Variants in RYR3 observed in about 807,000 individuals in gnomAD.
RYR3 encodes ryanodine receptor 3, also known as brain ryanodine receptor-calcium release channel.
In RYR3, 207 loss-of-function variants were observed where a neutral mutation model predicts 584.3. That is an observed-to-expected ratio of 0.35 (90% confidence interval 0.32 to 0.40). RYR3 has a LOEUF of 0.40. Among genes scored for constraint, RYR3 ranks in the 10% least tolerant of loss-of-function variants. The pLI, the probability that RYR3 is intolerant of heterozygous loss-of-function variation, is 1.00. For synonymous variants in RYR3, 2,416 were observed against 2,248.5 expected (o/e 1.07, Z -2.11); for missense variants, 5,616 against 6,089.2 (o/e 0.92, Z 2.59).
At position 33,603,246 on chromosome 15, in the gene RYR3, G is replaced by A; in HGVS notation, c.2046G>A (p.Val682=). ...CAGCAGAGCCCACACATCTGCGGGT[G>A]GGCTGGGCCTCTTCTTCAGGCTATG... The part of the protein sequence containing the change: ...FLTAEPTHLR[V]GWASSSGYAP... The change falls in exon 18 of 104, where the codon GTG becomes GTA. Residue 682 remains valine (V), a synonymous_variant. Transcript: ENST00000634891. 6.2e-7 allele frequency: 1 copy of A among 1,613,908 alleles called. No individual in the cohort carries two copies. Among genetic ancestry groups the A allele is most frequent in the African/African-American group, 1.3e-5 (1 of 75,022 alleles).
At chr15:33,357,026 C>A (rs940242599) in intron 1 of RYR3, among the ~76,000 whole-genome samples, 5 of 152,080 alleles carry the variant, frequency 3.3e-5, no homozygotes, top group Non-Finnish European at 7.4e-5. Context: ...TGGAAGGTGT[C>A]GTGTCCCATC....
chr15:33,670,717 G>T (rs1438466403), intron 38 of RYR3, among the ~76,000 whole-genome samples, 161 bp downstream of exon 38: 3 of 152,104 alleles, frequency 2.0e-5, no homozygotes. Flanking sequence ...CGTATTTTGG[G>T]TTCTGCCTTT....
intron 1 of RYR3, among the ~76,000 whole-genome samples, chr15:33,344,241 A>G (rs892877350): frequency 6.6e-6 from 1 of 152,228 alleles, no homozygotes; most frequent in African/African-American, 2.4e-5. Context: ...TGCTGACTTC[A>G]TTAAAGAGCT....
intron 3 of RYR3, among the ~76,000 whole-genome samples, chr15:33,525,025 G>T (rs983776647): frequency 1.3e-5 from 2 of 152,248 alleles, no homozygotes; most frequent in South Asian, 4.1e-4. Context: ...TAAATATTAG[G>T]TCTGTGAAGA....
intron 43 of RYR3, among the ~76,000 whole-genome samples, chr15:33,709,145 G>A (rs961455073): frequency 3.2e-4 from 48 of 152,312 alleles, no homozygotes; most frequent in Admixed American, 6.5e-4. Flanking sequence ...AACAGTAGCC[G>A]TGTCTAGTTT....
chr15:33,742,394 A>G lies in RYR3; in HGVS notation c.7849A>G (p.Ile2617Val), dbSNP rs757395431. 9 of 1,613,200 alleles carry G rather than the reference A, an allele frequency of 5.6e-6. No individual in the cohort carries two copies. The highest frequency in any genetic ancestry group is 1.6e-4 in the Middle Eastern group (1 of 6,082). Residue 2617 changes from isoleucine (I) to valine (V), a missense_variant, in exon 52 of 104, where the codon ATC becomes GTC. Transcript: ENST00000634891. ...NFSLPEKLEYIVTKYAEHSHD... is the reference protein window; with the variant it reads ...NFSLPEKLEYVVTKYAEHSHD... ...TTCCTTGCCTGAAAAATTGGAATAC[A>G]TCGTCACCAAGTATGCTGAGCATTC...
chr15:33,368,000 T>C (rs1240732808), intron 1 of RYR3, among the ~76,000 whole-genome samples: 2 of 152,194 alleles, frequency 1.3e-5, no homozygotes, highest in Non-Finnish European at 2.9e-5. Context: ...TGAAGTATTG[T>C]TAGCATTGTA....
At chr15:33,438,822 C>T (rs898067008) in intron 1 of RYR3, among the ~76,000 whole-genome samples, 1 of 152,116 alleles carries the variant, frequency 6.6e-6, no homozygotes, top group Non-Finnish European at 1.5e-5. Flanking sequence ...GACTCTATTG[C>T]ACATTATTAT....
intron 1 of RYR3, among the ~76,000 whole-genome samples, chr15:33,408,952 T>A (rs1176626789): frequency 6.6e-6 from 1 of 152,164 alleles, no homozygotes; most frequent in Non-Finnish European, 1.5e-5. Flanking sequence ...CTCACAAATC[T>A]GTCAGAGGGG....
intron 82 of RYR3, 30 bp from the exon 83 acceptor site, chr15:33,826,222 T>C (rs2077372164): frequency 6.2e-7 from 1 of 1,611,700 alleles, no homozygotes; most frequent in Admixed American, 1.7e-5. Flanking sequence ...TTTCTTACTT[T>C]CTATTCTTCT....
At chr15:33,423,891 A>G (rs1482803956) in intron 1 of RYR3, among the ~76,000 whole-genome samples, 1 of 152,178 alleles carries the variant, frequency 6.6e-6, no homozygotes, top group African/African-American at 2.4e-5. Context: ...TCTTCTAAAA[A>G]TTTTAAAGTA....
intron 87 of RYR3, among the ~76,000 whole-genome samples, chr15:33,836,446 C>A (rs1352984694): frequency 6.6e-6 from 1 of 151,972 alleles, no homozygotes; most frequent in Admixed American, 6.6e-5. Context: ...AGATCACCAC[C>A]AACTAGAATT....
At chr15:33,367,511 C>A (rs1006497405) in intron 1 of RYR3, among the ~76,000 whole-genome samples, 6 of 152,148 alleles carry the variant, frequency 3.9e-5, no homozygotes, top group African/African-American at 1.4e-4. Flanking sequence ...ACAGTTTGTC[C>A]AGTCATAAGA....
chr15:33,473,195 C>A, intron 1 of RYR3: 1 of 664,752 alleles, frequency 1.5e-6, no homozygotes, highest in Non-Finnish European at 2.8e-6. Context: ...TACTTGCCCC[C>A]ACTGACCTCA....
rs1444725352 is a variant in RYR3 at position 33,802,119 on chromosome 15, A to C, written c.10011+158A>C. On this transcript the variant is annotated intron_variant, in intron 69 of 103. Coordinates refer to ENST00000634891, the MANE Select transcript of RYR3 (RefSeq NM_001036.6). Reference sequence around the variant, plus strand: ...GCTGTTTCTTTGAGAACGAGCCAGAAGAAACTGCTCTCAAATAAGCATGGT... The same window carrying C: ...GCTGTTTCTTTGAGAACGAGCCAGACGAAACTGCTCTCAAATAAGCATGGT... The C allele has an allele frequency of 3.9e-6, 3 of 763,834 alleles. No individual in the cohort carries two copies. The African/African-American group carries it at 5.1e-5, about 13-fold the overall frequency. 47.3% of individuals were successfully genotyped at this position (763,834 alleles called of 1,614,324 possible). A position where few individuals can be genotyped will look rare whatever the true frequency, so the allele number is the denominator to read the frequency against.
In RYR3 at chr15:33,845,063, G is replaced by A; in HGVS notation, c.13497+1G>A. 6.2e-7 allele frequency: 1 copy of A among 1,613,804 alleles called. No homozygotes were observed. Among genetic ancestry groups the A allele is most frequent in the Non-Finnish European group, 8.5e-7 (1 of 1,179,826 alleles). The stretch of plus-strand genomic sequence containing the variant: ...TGTGGTGGGCTACTACTGCCTGAAG[G>A]TGAGCTGTTTGCCACTCTGGATCTA... On this transcript the variant is annotated splice_donor_variant, in intron 93 of 103. Coordinates refer to ENST00000634891, the MANE Select transcript of RYR3 (RefSeq NM_001036.6). LOFTEE classifies it high-confidence loss of function.
chr15:33,807,629 GC>G, intron 70 of RYR3, 60 bp downstream of exon 70: 1 of 1,492,324 alleles, frequency 6.7e-7, no homozygotes, highest in African/African-American at 1.4e-5. Context: ...CCGGGCTCTG[GC>G]CCCCTCTGCA....
At chr15:33,816,053 C>A in intron 74 of RYR3, 1 of 393,406 alleles carries the variant, frequency 2.5e-6, no homozygotes, top group South Asian at 1.4e-4. Flanking sequence ...TCTGATTGGT[C>A]AGACTTGAAG....
intron 39 of RYR3, 84 bp from the exon 40 acceptor site, chr15:33,697,798 C>G: frequency 4.9e-6 from 4 of 810,310 alleles, no homozygotes; most frequent in Non-Finnish European, 8.7e-6. Flanking sequence ...TTTGCCCTCT[C>G]GTGTGTTTGT....
Sources: allele counts gnomAD v4.1 joint callset (sites outside exome capture counted in the v4.1 genomes callset), GRCh38; gene constraint gnomAD v4.1.1; transcripts MANE v1.5; gene names NCBI Gene and HGNC (gene_info 2026-07-23, HGNC 2026-07-21).